The following C2CD3 variants were observed in gnomAD, a reference collection of about 807,000 sequenced individuals.
C2CD3 encodes the protein C2 domain containing 3 centriole elongation regulator, also known as C2 domain-containing protein 3.
A neutral mutation model predicts 234.0 loss-of-function variants in C2CD3; 148 were observed. The ratio of observed to expected loss-of-function variants is 0.63; its 90% CI spans 0.55 to 0.72. The LOEUF (loss-of-function observed/expected upper bound fraction) is 0.72, where lower values mean the gene tolerates loss of function less well. Among genes scored for constraint, C2CD3 ranks in the 30% least tolerant of loss-of-function variants. The pLI is 0.00. For missense variants in C2CD3, 2,577 were observed against 2,811.5 expected (o/e 0.92, Z 1.89); for synonymous variants, 1,000 against 1,035.4 (o/e 0.97, Z 0.66).
intron 7 of C2CD3, among the ~76,000 whole-genome samples, chr11:74,127,670 G>C (rs1211034582): frequency 6.6e-6 from 1 of 152,152 alleles, no homozygotes; most frequent in Non-Finnish European, 1.5e-5. Context: ...ATAGGTACGA[G>C]TTTGAGGAGT....
At chr11:74,061,884 C>T (rs1028351196) in intron 24 of C2CD3, among the ~76,000 whole-genome samples, 62 of 151,944 alleles carry the variant, frequency 4.1e-4, no homozygotes, top group Non-Finnish European at 1.8e-4. Context: ...ACCCATCTCA[C>T]GTGCAGAGAC....
At chr11:74,014,460 GT>G (rs143303415) in intron 32 of C2CD3, among the ~76,000 whole-genome samples, 157 of 152,310 alleles carry the variant, frequency 1.0e-3, no homozygotes, top group African/African-American at 3.5e-3. Flanking sequence ...AAGAAGCTTG[GT>G]GGAGACCCTA....
At position 74,033,637 on chromosome 11, in the gene C2CD3, T is replaced by C; in HGVS notation, c.6523A>G (p.Ile2175Val). ...GESASANPQPIPCPTLSGAQQ... is the reference protein window; with the variant it reads ...GESASANPQPVPCPTLSGAQQ... ...GCTCCTGAGAGTGTTGGGCATGGGA[T>C]GGGCTGAGGGTTGGCTGAGGCAGAC... Residue 2175 changes from isoleucine to valine, a missense_variant, in exon 31 of 33, where the codon ATC (isoleucine) becomes GTC (valine). By Grantham distance (29) the Ile-to-Val change is conservative (BLOSUM62 3). Transcript: ENST00000334126. 6.5e-7 allele frequency: 1 copy of C among 1,536,168 alleles called. No homozygotes were observed. Among genetic ancestry groups the C allele is most frequent in the Non-Finnish European group, 8.7e-7 (1 of 1,146,900 alleles).
Position 74,092,484 on chromosome 11 carries a change from A to G in C2CD3, c.3449T>C (p.Ile1150Thr). The change falls in exon 19 of 33, where the codon ATA becomes ACA. Residue 1150 changes from isoleucine (I) to threonine (T), a missense_variant. Physicochemically the swap from Ile to Thr is moderately conservative, Grantham distance 89 (BLOSUM62 -1). Transcript: ENST00000334126. ...GGTTAAAGGGAGATTAAAGGTCTGT[A>G]TTCCCACATCCTCACGATGCTGGGT... ...VTTQHREDVG[I>T]QTFNLPLTPR... The G allele has an allele frequency of 6.2e-7, 1 of 1,613,732 alleles. No homozygotes were observed. The highest frequency in any genetic ancestry group is 8.5e-7 in the Non-Finnish European group (1 of 1,179,646).
intron 2 of C2CD3, chr11:74,164,085 A>C (rs1322086272): frequency 1.6e-5 from 10 of 608,348 alleles, no homozygotes; most frequent in Middle Eastern, 7.7e-4. Flanking sequence ...ACTACACTTA[A>C]TTATAAGTCC....
At chr11:74,084,278 C>A (rs940257059) in intron 22 of C2CD3, among the ~76,000 whole-genome samples, 2 of 152,032 alleles carry the variant, frequency 1.3e-5, no homozygotes, top group Non-Finnish European at 2.9e-5. Flanking sequence ...GAACATTACA[C>A]CCCAGGGCCT....
chr11:74,053,393 T>C (rs781407377), intron 26 of C2CD3, among the ~76,000 whole-genome samples: 2 of 152,224 alleles, frequency 1.3e-5, no homozygotes, highest in Non-Finnish European at 2.9e-5. Flanking sequence ...TTTATAGATA[T>C]GTAAATATGC....
chr11:74,094,924 A>G (rs1326417733), intron 17 of C2CD3, among the ~76,000 whole-genome samples: 1 of 152,206 alleles, frequency 6.6e-6, no homozygotes, highest in Non-Finnish European at 1.5e-5. Flanking sequence ...ATGTGTATAG[A>G]TAAGAGTGGG....
At chr11:74,060,714 C>T (rs1103886) in intron 24 of C2CD3, among the ~76,000 whole-genome samples, 21,814 of 152,172 alleles carry the variant, frequency 0.14, 4,453 homozygotes, top group African/African-American at 0.46. Flanking sequence ...GAGCGCCTCT[C>T]CTCCTCCAAA....
At chr11:74,083,238 T>C (rs1955473904) in intron 22 of C2CD3, among the ~76,000 whole-genome samples, 1 of 152,170 alleles carries the variant, frequency 6.6e-6, no homozygotes, top group African/African-American at 2.4e-5. Flanking sequence ...TGGCTAGCCA[T>C]ATGTAGAAAG....
chr11:74,086,720 CAT>C (rs1390232927), intron 20 of C2CD3, among the ~76,000 whole-genome samples: 2 of 152,194 alleles, frequency 1.3e-5, no homozygotes, highest in African/African-American at 4.8e-5. Context: ...TAACGACACT[CAT>C]AAAGAGTAGT....
At chr11:74,089,751 C>A (rs1590767083) in intron 20 of C2CD3, among the ~76,000 whole-genome samples, 1 of 152,286 alleles carries the variant, frequency 6.6e-6, no homozygotes, top group Middle Eastern at 3.4e-3. Flanking sequence ...TAGAGGAACT[C>A]ACAGCCTAGT....
rs1952626446 is a variant in C2CD3, at chr11:74,034,124, T to G, written c.6036A>C (p.Pro2012=). Residue 2012 remains proline (P), a synonymous_variant, in exon 31 of 33, where the codon CCA becomes CCC. Transcript: ENST00000334126. ...TMPDEPLVRA[P]DKGTDSPSPP... Reference sequence around the variant, plus strand: ...GTGATGGGGAATCTGTGCCTTTATCTGGAGCTCTTACCAATGGCTCATCTG... The same window carrying G: ...GTGATGGGGAATCTGTGCCTTTATCGGGAGCTCTTACCAATGGCTCATCTG... The G allele has an allele frequency of 6.5e-7, 1 of 1,536,150 alleles. No homozygotes were observed. The highest frequency in any genetic ancestry group is 1.2e-5 in the South Asian group (1 of 84,064).
At position 74,164,276 on chromosome 11, in the gene C2CD3, T is replaced by G. The variant is rs979871277; in HGVS notation, c.326-2720A>C. The G allele has an allele frequency of 3.2e-5, 31 of 960,680 alleles. No individual in the cohort carries two copies. In the Admixed American group the frequency reaches 3.7e-4, roughly 11 times the overall value. 59.5% of individuals were successfully genotyped at this position (960,680 alleles called of 1,614,324 possible). A position where few individuals can be genotyped will look rare whatever the true frequency, so the allele number is the denominator to read the frequency against. ...TCAAAGACAGGTAAAAATCACGTAG[T>G]GTAGCCATAATTTTCTCAGTTTCTA... On this transcript the variant is annotated intron_variant, in intron 2 of 32. Coordinates refer to ENST00000334126, the MANE Select transcript of C2CD3 (RefSeq NM_001286577.2).
At chr11:74,114,705 T>C in intron 9 of C2CD3, 112 bp from the exon 10 acceptor site, 2 of 690,334 alleles carry the variant, frequency 2.9e-6, no homozygotes, top group Admixed American at 2.6e-5. Context: ...TTTTTATTTT[T>C]TTATTTTTAT....
At chr11:74,062,396 T>C (rs1954290327) in intron 24 of C2CD3, among the ~76,000 whole-genome samples, 1 of 152,200 alleles carries the variant, frequency 6.6e-6, no homozygotes. Flanking sequence ...TCGGCAAATG[T>C]AAAGCAACAG....
chr11:74,015,900 CAAA>C (rs553153104), intron 32 of C2CD3, among the ~76,000 whole-genome samples: 12 of 93,368 alleles, frequency 1.3e-4, no homozygotes, highest in Non-Finnish European at 1.2e-4. Flanking sequence ...AACCCTGTCT[CAAA>C]AAAAAAAAAA....
chr11:74,114,952 T>G (rs555908842), intron 9 of C2CD3, among the ~76,000 whole-genome samples: 6 of 152,224 alleles, frequency 3.9e-5, no homozygotes, highest in African/African-American at 7.2e-5. Flanking sequence ...TCCTCCTGCC[T>G]CAGCCTCCCA....
chr11:74,162,740 A>G (rs1856556567), intron 2 of C2CD3, among the ~76,000 whole-genome samples: 2 of 152,198 alleles, frequency 1.3e-5, no homozygotes, highest in African/African-American at 4.8e-5. Flanking sequence ...TACCCTTAAA[A>G]GAGTATTGTT....
Sources: gnomAD v4.1 joint callset for allele counts (sites outside exome capture counted in the v4.1 genomes callset) on GRCh38, gnomAD v4.1.1 for gene constraint, MANE v1.5 for transcripts, NCBI Gene and HGNC (gene_info 2026-07-23, HGNC 2026-07-21) for gene names.